ABCD3: variants seen among roughly 807,000 people sequenced by gnomAD.
ABCD3 encodes the protein ATP-binding cassette sub-family D member 3.
Under a neutral mutation model 105.5 loss-of-function variants are expected in ABCD3, and 41 were observed. That is an observed-to-expected ratio of 0.39 (90% CI 0.30 to 0.50). The LOEUF is 0.50. ABCD3 is among the 20% of genes least tolerant of loss of function. The pLI is 0.84. For missense variants in ABCD3, 622 were observed against 806.3 expected, an observed-to-expected ratio of 0.77 and a Z score of 2.77; for synonymous variants, 258 against 269.0, an observed-to-expected ratio of 0.96 and a Z score of 0.40.
the ABCD3 span, among the ~76,000 whole-genome samples, chr1:94,401,593 GTCT>G: frequency 6.6e-6 from 1 of 152,118 alleles, no homozygotes; most frequent in African/African-American, 2.4e-5. Context: ...GATACCTTAG[GTCT>G]TCTTAAGATA....
intron 20 of ABCD3, among the ~76,000 whole-genome samples, chr1:94,502,339 C>A (rs1230381297): frequency 6.6e-6 from 1 of 152,174 alleles, no homozygotes; most frequent in Non-Finnish European, 1.5e-5. Context: ...TCGCCTTCTA[C>A]TTTTCAAAGA....
chr1:94,469,125 T>G (rs1029867306), intron 4 of ABCD3, among the ~76,000 whole-genome samples: 1 of 152,222 alleles, frequency 6.6e-6, no homozygotes, highest in African/African-American at 2.4e-5. Flanking sequence ...CTCACAACTG[T>G]CATTACGTGG....
At position 94,418,556 on chromosome 1, in the gene ABCD3, C is replaced by G; in HGVS notation, c.78C>G (p.Leu26=). 1 of 1,603,402 alleles carries G rather than the reference C, an allele frequency of 6.2e-7. No individual in the cohort carries two copies. Among genetic ancestry groups the G allele is most frequent in the Non-Finnish European group, 8.5e-7 (1 of 1,178,800 alleles). The part of the protein sequence containing the change: ...AGAAFLLLCL[L]HKRRRALGLH... The stretch of plus-strand genomic sequence containing the variant: ...CCGCGTTCCTGCTGCTCTGCCTGCT[C>G]CACAAGCGGCGCCGCGCCCTCGGCC... The change falls in exon 1 of 23, where the codon CTC becomes CTG. Residue 26 remains leucine, a synonymous_variant. Transcript: ENST00000370214.
intron 1 of ABCD3, chr1:94,455,845 G>A (rs1304762522): frequency 3.2e-6 from 4 of 1,263,626 alleles, no homozygotes; most frequent in East Asian, 5.8e-5. Context: ...ATTTTTGTGA[G>A]CATCGTACTG....
intron 16 of ABCD3, among the ~76,000 whole-genome samples, chr1:94,493,809 T>C (rs1202009966): frequency 2.6e-5 from 4 of 152,056 alleles, no homozygotes; most frequent in African/African-American, 9.6e-5. Flanking sequence ...ATGGATGAAA[T>C]TGGAAATCAT....
chr1:94,433,629 T>TTG (rs1362416751), intron 1 of ABCD3, among the ~76,000 whole-genome samples: 7 of 72,672 alleles, frequency 9.6e-5, no homozygotes. Context: ...CAATGGTCAG[T>TTG]TTTTTTTTTT....
chr1:94,391,065 G>A, the ABCD3 span, among the ~76,000 whole-genome samples: 1 of 152,014 alleles, frequency 6.6e-6, no homozygotes, highest in Non-Finnish European at 1.5e-5. Flanking sequence ...ATCCTTTTGG[G>A]GAATATTTAT....
Position 94,418,468 on chromosome 1 carries a change from C to T in ABCD3, c.-11C>T, listed in dbSNP as rs918258523. 6.3e-7 allele frequency: 1 copy of T among 1,591,820 alleles called. No individual in the cohort carries two copies. ...GCGTCCCCTCGCCGGCTCGCTGGTA[C>T]CGGCAGTGCCATGGCGGCCTTCAGC... On this transcript the variant is annotated 5_prime_UTR_variant, in exon 1 of 23. Coordinates refer to ENST00000370214, the MANE Select transcript of ABCD3 (RefSeq NM_002858.4).
intron 1 of ABCD3, 123 bp downstream of exon 1, chr1:94,418,711 C>T (rs910883454): frequency 7.1e-6 from 7 of 979,232 alleles, no homozygotes; most frequent in Non-Finnish European, 9.2e-6. Context: ...GAGGGCCGAC[C>T]GCGACTGCCG....
At chr1:94,486,486 TC>T (rs1414760911) in intron 10 of ABCD3, among the ~76,000 whole-genome samples, 1 of 152,220 alleles carries the variant, frequency 6.6e-6, no homozygotes, top group Non-Finnish European at 1.5e-5. Flanking sequence ...GAATAAATGT[TC>T]CAGAGATTGT....
At chr1:94,458,710 T>G in intron 2 of ABCD3, 67 bp downstream of exon 2, 1 of 1,485,314 alleles carries the variant, frequency 6.7e-7, no homozygotes, top group South Asian at 1.2e-5. Context: ...GTCATATGAT[T>G]CTGATTTAGG....
the ABCD3 span, among the ~76,000 whole-genome samples, chr1:94,393,654 A>G: frequency 6.6e-6 from 1 of 152,052 alleles, no homozygotes; most frequent in African/African-American, 2.4e-5. Context: ...AAGAAAGAAA[A>G]GAAAAGAAAG....
intron 1 of ABCD3, among the ~76,000 whole-genome samples, chr1:94,427,553 C>T (rs1048656019): frequency 3.3e-5 from 5 of 152,136 alleles, no homozygotes; most frequent in African/African-American, 1.2e-4. Flanking sequence ...ATATCACCTT[C>T]TAATCTGTTT....
intron 2 of ABCD3, among the ~76,000 whole-genome samples, chr1:94,463,779 T>G (rs1647997429): frequency 6.6e-6 from 1 of 152,210 alleles, no homozygotes; most frequent in South Asian, 2.1e-4. Flanking sequence ...TATCTTCTTT[T>G]AAATCCCTCT....
intron 2 of ABCD3, among the ~76,000 whole-genome samples, chr1:94,459,500 T>G (rs2100963207): frequency 6.6e-6 from 1 of 152,320 alleles, no homozygotes; most frequent in Admixed American, 6.5e-5. Context: ...AAAATTGCTT[T>G]TAATTCTTTA....
At chr1:94,397,890 A>G in the ABCD3 span, among the ~76,000 whole-genome samples, 3 of 152,140 alleles carry the variant, frequency 2.0e-5, no homozygotes, top group African/African-American at 7.2e-5. Flanking sequence ...TTCTCTTTAA[A>G]ATTTCACCCA....
intron 1 of ABCD3, among the ~76,000 whole-genome samples, chr1:94,430,556 C>T (rs1187764965): frequency 6.6e-6 from 1 of 152,132 alleles, no homozygotes; most frequent in Non-Finnish European, 1.5e-5. Context: ...AGAAGTTCCC[C>T]TGCACAAGCT....
At chr1:94,426,314 A>G (rs1361650335) in intron 1 of ABCD3, among the ~76,000 whole-genome samples, 1 of 152,072 alleles carries the variant, frequency 6.6e-6, no homozygotes, top group African/African-American at 2.4e-5. Context: ...TCCACCTTTT[A>G]AAGAGGCATT....
chr1:94,480,974 A>G (rs1030706590), intron 9 of ABCD3, among the ~76,000 whole-genome samples: 7 of 152,178 alleles, frequency 4.6e-5, no homozygotes, highest in Non-Finnish European at 7.3e-5. Context: ...ATAATGCTCA[A>G]TGATTCACTG....
Sources: gnomAD v4.1 joint callset for allele counts (sites outside exome capture counted in the v4.1 genomes callset) on GRCh38, gnomAD v4.1.1 for gene constraint, MANE v1.5 for transcripts, NCBI Gene and HGNC (gene_info 2026-07-23, HGNC 2026-07-21) for gene names.